The following LRSAM1 variants were observed in gnomAD, a reference collection of about 807,000 sequenced individuals.
LRSAM1 encodes the protein E3 ubiquitin-protein ligase LRSAM1.
A neutral mutation model predicts 118.1 loss-of-function variants in LRSAM1; 96 were observed. That is an observed-to-expected ratio of 0.81 (90% confidence interval 0.69 to 0.96). The LOEUF (loss-of-function observed/expected upper bound fraction) is 0.96, where lower values mean the gene tolerates loss of function less well. Among genes scored for constraint, LRSAM1 ranks in the 40% least tolerant of loss-of-function variants. The probability of loss-of-function intolerance (pLI) is 0.00; values close to 1 mark genes in which losing one functional copy is unlikely to be tolerated. For missense variants in LRSAM1, 804 were observed against 915.5 expected (o/e 0.88, Z 1.57); for synonymous variants, 322 against 364.2 (o/e 0.88, Z 1.32).
At chr9:127,493,350 C>T (rs768150732) in intron 21 of LRSAM1, among the ~76,000 whole-genome samples, 1 of 152,212 alleles carries the variant, frequency 6.6e-6, no homozygotes, top group Non-Finnish European at 1.5e-5. Context: ...GCATGAGCCA[C>T]CGCGCCTAGC....
chr9:127,489,452 G>A lies in LRSAM1; in HGVS notation c.1356G>A (p.Met452Ile), dbSNP rs775655109. 6.2e-7 allele frequency: 1 copy of A among 1,607,976 alleles called. No homozygotes were observed. The highest frequency in any genetic ancestry group is 1.1e-5 in the South Asian group (1 of 89,366). The change falls in exon 19 of 26, where the codon ATG (methionine) becomes ATA (isoleucine). Residue 452 changes from methionine (M) to isoleucine (I), a missense_variant. Physicochemically the swap from Met to Ile is conservative, Grantham distance 10. Coordinates refer to ENST00000300417, the MANE Select transcript of LRSAM1 (RefSeq NM_001005373.4). The stretch of plus-strand genomic sequence containing the variant: ...GGTGGTCTGTGTTGCAGAGCGCGAT[G>A]CAGAAGGCTGCGTTCGAGGCACTCC... ...AISQILQESA[M>I]QKAAFEALQV...
At position 127,485,738 on chromosome 9, in the gene LRSAM1, G is replaced by T. The variant is rs138715791; in HGVS notation, c.1162G>T (p.Ala388Ser). 1.2e-6 allele frequency: 2 copies of T among 1,614,056 alleles called. No individual in the cohort carries two copies. The highest frequency in any genetic ancestry group is 1.1e-5 in the South Asian group (1 of 91,082). ...GTCCCCACCTCATGTTCCCACAGCCGCCATGCAGCAGATGCTGACTGAGAG... is the reference window on the plus strand; with the variant it reads ...GTCCCCACCTCATGTTCCCACAGCCTCCATGCAGCAGATGCTGACTGAGAG... ...ESLRRRDVAS[A>S]MQQMLTESCK... is the part of the protein sequence containing the mutation. Residue 388 changes from alanine (A) to serine (S), a missense_variant and splice_region_variant, in exon 17 of 26, where the codon GCC becomes TCC. Transcript: ENST00000300417.
At chr9:127,492,732 C>T (rs1213047166) in intron 20 of LRSAM1, 70 bp from the exon 21 acceptor site, 3 of 1,426,812 alleles carry the variant, frequency 2.1e-6, no homozygotes, top group Non-Finnish European at 2.9e-6. Context: ...GGCCCTTCTC[C>T]ATCCTGCCAC....
At position 127,483,034 on chromosome 9, in the gene LRSAM1, T is replaced by C. The variant is rs1554757804; in HGVS notation, c.1159+14T>C. ...GTGACGTTGCCTGTGAGTTTTGGGATGGGGAGCTTGTGAGCACGCTGCCTG... is the reference window on the plus strand; with the variant it reads ...GTGACGTTGCCTGTGAGTTTTGGGACGGGGAGCTTGTGAGCACGCTGCCTG... On this transcript the variant is annotated intron_variant, in intron 16 of 25. Coordinates refer to ENST00000300417, the MANE Select transcript of LRSAM1 (RefSeq NM_001005373.4). 1.9e-6 allele frequency: 3 copies of C among 1,606,636 alleles called. No individual in the cohort carries two copies. In the South Asian group the frequency reaches 3.3e-5, roughly 18 times the overall value.
chr9:127,483,372 A>G (rs1365527176), intron 16 of LRSAM1, among the ~76,000 whole-genome samples: 2 of 152,104 alleles, frequency 1.3e-5, no homozygotes, highest in Admixed American at 6.6e-5. Flanking sequence ...ACATGAGCCC[A>G]GGAGTTCAAG....
At chr9:127,500,914 C>A in intron 24 of LRSAM1, 96 bp from the exon 25 acceptor site, 1 of 1,566,716 alleles carries the variant, frequency 6.4e-7, no homozygotes. Context: ...CCCTCCAGCT[C>A]ACTCACCATG....
intron 7 of LRSAM1, 34 bp from the exon 8 acceptor site, chr9:127,461,139 C>T (rs768701463): frequency 4.5e-6 from 7 of 1,566,140 alleles, no homozygotes; most frequent in African/African-American, 1.4e-5. Flanking sequence ...CAGGCATAAG[C>T]CACTGCGCCT....
chr9:127,455,507 A>AG (rs1398968860), intron 4 of LRSAM1, 69 bp from the exon 5 acceptor site: 1 of 1,498,572 alleles, frequency 6.7e-7, no homozygotes. Context: ...CCTCACGTGA[A>AG]TGCCACTCAG....
intron 12 of LRSAM1, 52 bp downstream of exon 12, chr9:127,479,015 A>G (rs1835434347): frequency 6.5e-7 from 1 of 1,547,010 alleles, no homozygotes; most frequent in Admixed American, 1.7e-5. Context: ...AAAGATCTCA[A>G]CTCAACTCAT....
intron 5 of LRSAM1, among the ~76,000 whole-genome samples, chr9:127,456,415 G>GT (rs79662728): frequency 6.6e-6 from 1 of 150,634 alleles, no homozygotes; most frequent in South Asian, 2.1e-4. Context: ...TGTATTTTTA[G>GT]AGATGAGGTT....
Position 127,471,034 on chromosome 9 carries a change from A to T in LRSAM1, c.620-2767A>T, listed in dbSNP as rs1189105770. 3.9e-5 allele frequency: 6 copies of T among 151,970 alleles called. No homozygotes were observed. In the East Asian group the frequency reaches 1.2e-3, roughly 29 times the overall value. 9.4% of individuals were successfully genotyped at this position (151,970 alleles called of 1,614,324 possible). On this transcript the variant is annotated intron_variant, in intron 10 of 25. Coordinates refer to ENST00000300417, the MANE Select transcript of LRSAM1 (RefSeq NM_001005373.4). ...GTGCTCTTTTCTGTATGTATGTTAT[A>T]TTTTACTTTAAAAGAAAGTGGAGGG...
At position 127,465,035 on chromosome 9, in the gene LRSAM1, G is replaced by A. The variant is rs1326536664; in HGVS notation, c.528+2662G>A. 2.6e-5 allele frequency among the ~76,000 whole-genome samples: 4 copies of A among 151,990 alleles called. No individual in the cohort carries two copies. The highest frequency in any genetic ancestry group is 4.8e-5 in the African/African-American group (2 of 41,360). On this transcript the variant is annotated intron_variant, in intron 9 of 25. Coordinates refer to ENST00000300417, the MANE Select transcript of LRSAM1 (RefSeq NM_001005373.4). This position sits in a 1 kb window ranked among gnomAD's most constrained non-coding sequence, Gnocchi z 4.1. ...AACCTTCTTTTAGGATGAGATAACC[G>A]TTCTGAGTTCAGGCCGTACTGTGGG...
chr9:127,482,868 C>T lies in LRSAM1; in HGVS notation c.1089-82C>T, dbSNP rs1835590161. ...AGGTTGCCAAATCAAGGAGGCCTTC[C>T]TGGAGGAGGTGGTGTTCATCTGCTG... On this transcript the variant is annotated intron_variant, in intron 15 of 25. Coordinates refer to ENST00000300417, the MANE Select transcript of LRSAM1 (RefSeq NM_001005373.4). 3.7e-6 allele frequency: 5 copies of T among 1,359,138 alleles called. No individual in the cohort carries two copies. In the Admixed American group the frequency reaches 9.9e-5, roughly 27 times the overall value. The allele number at this position is 1,359,138 out of a possible 1,614,324, so 84.2% of individuals were successfully genotyped here.
At position 127,479,887 on chromosome 9, in the gene LRSAM1, A is replaced by C; in HGVS notation, c.952A>C (p.Asn318His). 1 of 1,613,932 alleles carries C rather than the reference A, an allele frequency of 6.2e-7. No homozygotes were observed. Among genetic ancestry groups the C allele is most frequent in the South Asian group, 1.1e-5 (1 of 91,080 alleles). ...CCTGAGTGAGCACCAGCGCCACCTC[A>C]ACGCAGAGCGGCAGCGGCTGCAGGA... ...QGLSEHQRHLNAERQRLQEQL... is the reference protein window; with the variant it reads ...QGLSEHQRHLHAERQRLQEQL... Residue 318 changes from asparagine to histidine, a missense_variant, in exon 14 of 26, where the codon AAC (asparagine) becomes CAC (histidine). Transcript: ENST00000300417.
chr9:127,461,409 G>A, intron 8 of LRSAM1, 152 bp downstream of exon 8: 2 of 663,722 alleles, frequency 3.0e-6, no homozygotes, highest in Non-Finnish European at 5.5e-6. Flanking sequence ...TGCTGGGTCA[G>A]CTGTCTTCAT....
At chr9:127,457,187 C>A (rs935610763) in intron 5 of LRSAM1, 129 bp from the exon 6 acceptor site, 6 of 906,766 alleles carry the variant, frequency 6.6e-6, no homozygotes, top group Non-Finnish European at 1.1e-5. Flanking sequence ...TGACCCGCAT[C>A]CCCGTGGTGG....
In LRSAM1 at chr9:127,499,537, A is replaced by ATATAT. The variant is rs1392699385; in HGVS notation, c.1913-1473_1913-1472insTATAT. On this transcript the variant is annotated intron_variant, in intron 24 of 25. Coordinates refer to ENST00000300417, the MANE Select transcript of LRSAM1 (RefSeq NM_001005373.4). ...CAGAGCAAGACCCTGTCTAAAAAAA[A>ATATAT]ATATATATATATATATATATGAATG... Among the ~76,000 whole-genome samples, 694 of 115,226 alleles carry ATATAT rather than the reference A, an allele frequency of 6.0e-3. 9 individuals are homozygous for ATATAT. The highest frequency in any genetic ancestry group is 0.019 in the African/African-American group (669 of 34,390). 75.6% of individuals were successfully genotyped at this position (115,226 alleles called of 152,430 possible). A position where few individuals can be genotyped will look rare whatever the true frequency, so the allele number is the denominator to read the frequency against.
At chr9:127,479,623 C>G in intron 13 of LRSAM1, 118 bp downstream of exon 13, 2 of 1,484,410 alleles carry the variant, frequency 1.3e-6, no homozygotes, top group Non-Finnish European at 1.8e-6. Flanking sequence ...TCACTTCCTT[C>G]TGTCCCCCAG....
intron 17 of LRSAM1, among the ~76,000 whole-genome samples, chr9:127,487,200 AC>A (rs1215916427): frequency 8.2e-5 from 12 of 145,986 alleles, no homozygotes; most frequent in East Asian, 3.9e-4. Context: ...AAAAAAAAAA[AC>A]AACCAAGATG....
Sources: allele counts gnomAD v4.1 joint callset (sites outside exome capture counted in the v4.1 genomes callset), GRCh38; gene constraint gnomAD v4.1.1; non-coding constraint Gnocchi (gnomAD v3.1); transcripts MANE v1.5; gene names NCBI Gene and HGNC (gene_info 2026-07-23, HGNC 2026-07-21).